CCDC186: variants seen among roughly 807,000 people sequenced by gnomAD.
The protein encoded by CCDC186 is coiled-coil domain containing 186, also known as coiled-coil domain-containing protein 186.
Under a neutral mutation model 113.7 loss-of-function variants are expected in CCDC186, and 49 were observed. The observed-to-expected ratio is 0.43, with a 90% CI of 0.34 to 0.55. CCDC186 has a LOEUF of 0.55. Among genes scored for constraint, CCDC186 ranks in the 20% least tolerant of loss-of-function variants. The pLI, the probability that CCDC186 is intolerant of heterozygous loss-of-function variation, is 0.02. For synonymous variants in CCDC186, 355 were observed against 345.8 expected (o/e 1.03, Z -0.30); for missense variants, 890 against 1,011.1 (o/e 0.88, Z 1.62).
Position 114,162,936 on chromosome 10 carries a change from T to G in CCDC186, c.333A>C (p.Thr111=). The change falls in exon 2 of 16, where the codon ACA becomes ACC. Residue 111 remains threonine, a synonymous_variant. Coordinates refer to ENST00000369287, the MANE Select transcript of CCDC186 (RefSeq NM_018017.4). ...CCAATATTTGTGTTACTTTCTGTTCTGTTTCATTTGTTTTTGAAATATGTT... is the reference window on the plus strand; with the variant it reads ...CCAATATTTGTGTTACTTTCTGTTCGGTTTCATTTGTTTTTGAAATATGTT... ...FAKHISKTNE[T]EQKVTQILVE... 1 of 1,613,242 alleles carries G rather than the reference T, an allele frequency of 6.2e-7. No individual in the cohort carries two copies. The highest frequency in any genetic ancestry group is 8.5e-7 in the Non-Finnish European group (1 of 1,179,766).
At chr10:114,163,992 A>G (rs1232759317) in intron 1 of CCDC186, among the ~76,000 whole-genome samples, 4 of 151,584 alleles carry the variant, frequency 2.6e-5, no homozygotes, top group Non-Finnish European at 5.9e-5. Context: ...AACAATGTCC[A>G]GTACAAATAA....
chr10:114,132,468 G>C (rs1428629805), intron 10 of CCDC186, among the ~76,000 whole-genome samples: 2 of 152,176 alleles, frequency 1.3e-5, no homozygotes, highest in African/African-American at 4.8e-5. Context: ...GCCTAAACTA[G>C]TGTAAGTGAT....
intron 1 of CCDC186, among the ~76,000 whole-genome samples, chr10:114,164,065 A>AGTGTGAGTGTGT (rs2032255076): frequency 9.3e-6 from 1 of 107,032 alleles, no homozygotes; most frequent in Non-Finnish European, 1.8e-5. Flanking sequence ...ACCAAGTTAG[A>AGTGTGAGTGTGT]GTGTGTGTGT....
chr10:114,167,148 G>C (rs192859740), intron 1 of CCDC186, among the ~76,000 whole-genome samples: 2 of 151,202 alleles, frequency 1.3e-5, no homozygotes, highest in Non-Finnish European at 2.9e-5. Context: ...AGCCTCCCAA[G>C]TAGCTGGGAT....
At chr10:114,147,335 C>T (rs1360166485) in intron 4 of CCDC186, among the ~76,000 whole-genome samples, 1 of 151,908 alleles carries the variant, frequency 6.6e-6, no homozygotes, top group Non-Finnish European at 1.5e-5. Context: ...CAAAGTCCTT[C>T]AAAACATGAA....
Position 114,157,608 on chromosome 10 carries a change from T to G in CCDC186, c.705A>C (p.Glu235Asp), listed in dbSNP as rs2032049795. 2.5e-6 allele frequency: 4 copies of G among 1,611,076 alleles called. No homozygotes were observed. The highest frequency in any genetic ancestry group is 3.4e-6 in the Non-Finnish European group (4 of 1,178,866). The stretch of plus-strand genomic sequence containing the variant: ...CAGTTTCTGTTCTTTTCTTTAGTTC[T>G]TCTCTTAAATTGTCTTTTTCTGAAC... ...DICSEKDNLR[E>D]ELKKRTETEK... The change falls in exon 3 of 16, where the codon GAA (glutamate) becomes GAC (aspartate). Residue 235 changes from glutamate (E) to aspartate (D), a missense_variant. By Grantham distance (45) the Glu-to-Asp change is conservative. Transcript: ENST00000369287.
intron 3 of CCDC186, among the ~76,000 whole-genome samples, chr10:114,151,425 C>T (rs537791353): frequency 2.6e-5 from 4 of 152,304 alleles, no homozygotes; most frequent in African/African-American, 9.6e-5. Flanking sequence ...AGGTATCTGG[C>T]AACCCCTAGA....
At chr10:114,130,233 G>C (rs541852281) in intron 12 of CCDC186, 12 of 240,446 alleles carry the variant, frequency 5.0e-5, no homozygotes, top group African/African-American at 2.7e-4. Context: ...TTAAAGTATT[G>C]AAAGATTTAG....
At chr10:114,139,190 T>C (rs573911088) in intron 6 of CCDC186, among the ~76,000 whole-genome samples, 11 of 150,556 alleles carry the variant, frequency 7.3e-5, no homozygotes, top group African/African-American at 2.4e-4. Flanking sequence ...CCAATACTCA[T>C]CTCCCTTTGT....
intron 3 of CCDC186, 78 bp from the exon 4 acceptor site, chr10:114,151,298 A>G: frequency 2.8e-6 from 3 of 1,062,996 alleles, no homozygotes; most frequent in Non-Finnish European, 4.0e-6. Flanking sequence ...AATATAAACA[A>G]AGTAAATAAA....
chr10:114,145,872 C>A, intron 4 of CCDC186, 111 bp from the exon 5 acceptor site: 1 of 975,202 alleles, frequency 1.0e-6, no homozygotes, highest in Non-Finnish European at 1.5e-6. Context: ...TTGGTTTTTG[C>A]ACAACATTCC....
At chr10:114,167,696 GT>G (rs911077521) in intron 1 of CCDC186, among the ~76,000 whole-genome samples, 1 of 150,992 alleles carries the variant, frequency 6.6e-6, no homozygotes, top group African/African-American at 2.4e-5. Flanking sequence ...TACACTGGGG[GT>G]GCAGCATGTA....
intron 3 of CCDC186, among the ~76,000 whole-genome samples, chr10:114,155,013 T>A (rs1476262149): frequency 1.3e-5 from 2 of 152,230 alleles, no homozygotes; most frequent in African/African-American, 4.8e-5. Flanking sequence ...TCCATTTATA[T>A]GAAACGTCCA....
chr10:114,167,799 TAAAAAAAA>T (rs60257583), intron 1 of CCDC186, among the ~76,000 whole-genome samples: 7 of 71,294 alleles, frequency 9.8e-5, no homozygotes, highest in South Asian at 1.2e-3. Flanking sequence ...CTAATCTCCG[TAAAAAAAA>T]AAAAAAAAAA....
rs1397260201 is a variant in CCDC186 at position 114,121,526 on chromosome 10, G to A, written c.*3617C>T. On this transcript the variant is annotated 3_prime_UTR_variant, in exon 16 of 16. Coordinates refer to ENST00000369287, the MANE Select transcript of CCDC186 (RefSeq NM_018017.4). ...ACCAAATAGGCATTAATAATTTAAT[G>A]GTAAAAAATCTAATGCCATCTTATG... 3 of 151,932 alleles carry A rather than the reference G, an allele frequency of 2.0e-5. No individual in the cohort carries two copies. In the East Asian group the frequency reaches 5.8e-4, roughly 29 times the overall value. The allele number at this position is 151,932 out of a possible 1,614,324, so 9.4% of individuals were successfully genotyped here.
intron 13 of CCDC186, among the ~76,000 whole-genome samples, chr10:114,127,940 A>C (rs964287763): frequency 2.6e-5 from 4 of 152,180 alleles, no homozygotes; most frequent in Non-Finnish European, 5.9e-5. Context: ...GACCAAAATT[A>C]AACTATAACA....
intron 6 of CCDC186, among the ~76,000 whole-genome samples, chr10:114,142,985 T>C (rs1461932383): frequency 1.3e-5 from 2 of 152,220 alleles, no homozygotes; most frequent in African/African-American, 4.8e-5. Flanking sequence ...TCTTTGAAAG[T>C]AACGACTGTG....
intron 1 of CCDC186, chr10:114,168,190 C>A (rs1430595535): frequency 1.3e-5 from 2 of 152,170 alleles, no homozygotes; most frequent in African/African-American, 4.8e-5. Flanking sequence ...AGGACCAATT[C>A]ACACTTCGAA....
intron 5 of CCDC186, 149 bp from the exon 6 acceptor site, chr10:114,144,765 C>A: frequency 1.7e-6 from 1 of 601,796 alleles, no homozygotes; most frequent in Non-Finnish European, 2.7e-6. Flanking sequence ...ATTTAAAGTC[C>A]AAATGAGAAG....
Sources: gnomAD v4.1 joint callset for allele counts (sites outside exome capture counted in the v4.1 genomes callset) on GRCh38, gnomAD v4.1.1 for gene constraint, MANE v1.5 for transcripts, NCBI Gene and HGNC (gene_info 2026-07-23, HGNC 2026-07-21) for gene names.